CORO2A: variants seen among roughly 807,000 people sequenced by gnomAD.
CORO2A encodes the protein coronin 2A.
A neutral mutation model predicts 62.4 loss-of-function variants in CORO2A; 47 were observed. The observed-to-expected ratio is 0.75, with a 90% confidence interval of 0.60 to 0.96. The LOEUF is 0.96. CORO2A is among the 40% of genes least tolerant of loss of function. The pLI is 0.00. For synonymous variants in CORO2A, 273 were observed against 268.9 expected (o/e 1.02, Z -0.15); for missense variants, 610 against 684.1 (o/e 0.89, Z 1.21).
chr9:98,144,732 A>G (rs989159690), intron 2 of CORO2A, among the ~76,000 whole-genome samples: 2 of 152,134 alleles, frequency 1.3e-5, no homozygotes, highest in African/African-American at 4.8e-5. Context: ...TCAAGTCAGA[A>G]AGGCAGGGCC....
intron 2 of CORO2A, among the ~76,000 whole-genome samples, chr9:98,146,250 G>C (rs543164358): frequency 6.6e-6 from 1 of 152,136 alleles, no homozygotes; most frequent in Admixed American, 6.5e-5. Flanking sequence ...TCTGTGGCAG[G>C]CTGGGCCCCA....
At chr9:98,151,979 G>C (rs1827732133) in intron 2 of CORO2A, among the ~76,000 whole-genome samples, 1 of 151,928 alleles carries the variant, frequency 6.6e-6, no homozygotes, top group African/African-American at 2.4e-5. Context: ...ACCATGCCCG[G>C]CTAATTTTTG....
chr9:98,192,422 C>T (rs1828315813), intron 1 of CORO2A, 137 bp downstream of exon 1: 1 of 152,264 alleles, frequency 6.6e-6, no homozygotes, highest in African/African-American at 2.4e-5. Flanking sequence ...CGCAAAGGGG[C>T]TGAAAGCCAG....
In CORO2A at chr9:98,126,598, G is replaced by T; in HGVS notation, c.1397C>A (p.Thr466Lys). 6.2e-7 allele frequency: 1 copy of T among 1,614,118 alleles called. No homozygotes were observed. The highest frequency in any genetic ancestry group is 8.5e-7 in the Non-Finnish European group (1 of 1,180,040). ...GCATTCGAAAACGTCAAAGCCATTT[G>T]TCAGCCAGGTTTTCTTCTCCTCCAG... The part of the protein sequence containing the change: ...HRLEEKKTWL[T>K]NGFDVFECPP... The change falls in exon 11 of 12, where the codon ACA becomes AAA. Residue 466 changes from threonine (T) to lysine (K), a missense_variant. Thr to Lys is a moderately conservative substitution (Grantham distance 78). Transcript: ENST00000375077.
At chr9:98,142,706 C>T (rs960515292) in intron 2 of CORO2A, among the ~76,000 whole-genome samples, 3 of 152,316 alleles carry the variant, frequency 2.0e-5, no homozygotes, top group South Asian at 4.1e-4. Context: ...TAGGGTTGGG[C>T]GTGGCTCAGA....
chr9:98,155,602 C>A (rs1381212505), intron 2 of CORO2A, among the ~76,000 whole-genome samples: 1 of 152,136 alleles, frequency 6.6e-6, no homozygotes, highest in Non-Finnish European at 1.5e-5. Context: ...ACCTCAGCCT[C>A]CCAATGTGCT....
At chr9:98,185,497 C>T (rs1828227719) in intron 1 of CORO2A, among the ~76,000 whole-genome samples, 2 of 152,250 alleles carry the variant, frequency 1.3e-5, no homozygotes, top group African/African-American at 4.8e-5. Flanking sequence ...TTTTGCTCCA[C>T]TGCATCCCTT....
chr9:98,185,355 T>C (rs56675709), intron 1 of CORO2A, among the ~76,000 whole-genome samples: 14,372 of 152,240 alleles, frequency 0.094, 1,396 homozygotes, highest in African/African-American at 0.25. Context: ...TGAAGATCAT[T>C]ACAATGACTA....
At chr9:98,187,809 A>G (rs972456363) in intron 1 of CORO2A, among the ~76,000 whole-genome samples, 2 of 152,226 alleles carry the variant, frequency 1.3e-5, no homozygotes, top group African/African-American at 4.8e-5. Flanking sequence ...TCTCGCAGGA[A>G]TCACACCAAT....
chr9:98,153,357 T>G (rs1244322861), intron 2 of CORO2A, among the ~76,000 whole-genome samples: 1 of 151,566 alleles, frequency 6.6e-6, no homozygotes, highest in Non-Finnish European at 1.5e-5. Context: ...CGTCTGGGCC[T>G]GCCAAGGTGC....
At chr9:98,188,094 C>T (rs113088979) in intron 1 of CORO2A, among the ~76,000 whole-genome samples, 11 of 152,204 alleles carry the variant, frequency 7.2e-5, no homozygotes, top group African/African-American at 2.2e-4. Flanking sequence ...TGTCCCAGCT[C>T]GTGCTTCTCT....
chr9:98,127,645 T>A (rs1010626697), intron 10 of CORO2A, among the ~76,000 whole-genome samples: 4 of 151,834 alleles, frequency 2.6e-5, no homozygotes, highest in Admixed American at 2.0e-4. Flanking sequence ...AACCCCCATC[T>A]CTACTAAAAA....
chr9:98,177,297 G>A (rs1013826283), intron 1 of CORO2A, among the ~76,000 whole-genome samples: 1 of 152,136 alleles, frequency 6.6e-6, no homozygotes, highest in African/African-American at 2.4e-5. Flanking sequence ...GCTGGGCTCT[G>A]TGGATGGAGG....
rs1828074327 is a variant in CORO2A at position 98,173,971 on chromosome 9, C to T, written c.1-16311G>A. ...GTCTTTACTAAAAATACAAAATTAGCCGGGCGTGGTGGCGCATGCCTGTAA... is the reference window on the plus strand; with the variant it reads ...GTCTTTACTAAAAATACAAAATTAGTCGGGCGTGGTGGCGCATGCCTGTAA... On this transcript the variant is annotated intron_variant, in intron 1 of 11. Coordinates refer to ENST00000375077, the MANE Select transcript of CORO2A (RefSeq NM_052820.4). Among the ~76,000 whole-genome samples, 3 of 152,054 alleles carry T rather than the reference C, an allele frequency of 2.0e-5. No individual in the cohort carries two copies. The South Asian group carries it at 6.2e-4, about 31-fold the overall frequency.
At chr9:98,190,128 G>A (rs537009110) in intron 1 of CORO2A, among the ~76,000 whole-genome samples, 10 of 152,038 alleles carry the variant, frequency 6.6e-5, no homozygotes, top group South Asian at 2.1e-4. Flanking sequence ...CAGGTGATCC[G>A]CCCACCTTGG....
chr9:98,191,382 C>T (rs906901425), intron 1 of CORO2A, among the ~76,000 whole-genome samples: 7 of 152,374 alleles, frequency 4.6e-5, no homozygotes, highest in Non-Finnish European at 8.8e-5. Flanking sequence ...GCTCCCTCTT[C>T]TTGCCTTGGC....
rs750210573 is a variant in CORO2A at position 98,131,081 on chromosome 9, G to A, written c.766-22C>T. ...TATCCTGCAGGGGAAGGGGAGGCAG[G>A]GAAGGCCTGGGTCACTCCTGGGGGC... On this transcript the variant is annotated intron_variant, in intron 6 of 11. Transcript: ENST00000375077. 17 of 1,567,382 alleles carry A rather than the reference G, an allele frequency of 1.1e-5. No homozygotes were observed. The Admixed American group carries it at 2.1e-4, about 19-fold the overall frequency.
chr9:98,170,856 G>A (rs2118909047), intron 1 of CORO2A, among the ~76,000 whole-genome samples: 2 of 152,308 alleles, frequency 1.3e-5, no homozygotes, highest in Middle Eastern at 6.8e-3. Flanking sequence ...CTGCCCACCT[G>A]TTAGGACGGT....
Position 98,152,126 on chromosome 9 carries a change from G to GTT in CORO2A, c.201+5332_201+5333dup, listed in dbSNP as rs3055383. 7.2e-4 allele frequency among the ~76,000 whole-genome samples: 103 copies of GTT among 142,104 alleles called. 1 individual carries two copies. The highest frequency in any genetic ancestry group is 7.4e-3 in the Middle Eastern group (2 of 270). The allele number at this position is 142,104 out of a possible 152,430, so 93.2% of individuals were successfully genotyped here. On this transcript the variant is annotated intron_variant, in intron 2 of 11. Coordinates refer to ENST00000375077, the MANE Select transcript of CORO2A (RefSeq NM_052820.4). ...GCCACTGCACCCGGCCTCTTTTGCT[G>GTT]TTTTTTTTTTTTGTTTTTTCTTTAA...
Sources: allele counts gnomAD v4.1 joint callset (sites outside exome capture counted in the v4.1 genomes callset), GRCh38; gene constraint gnomAD v4.1.1; transcripts MANE v1.5; gene names NCBI Gene and HGNC (gene_info 2026-07-23, HGNC 2026-07-21).